Variants in CSMD1 observed in about 807,000 individuals in gnomAD.
CSMD1 encodes CUB and Sushi multiple domains 1.
CSMD1 carries 213 observed loss-of-function variants against 417.5 expected under a neutral mutation model. That is an observed-to-expected ratio of 0.51 (90% confidence interval 0.46 to 0.57). The LOEUF (loss-of-function observed/expected upper bound fraction) is 0.57. CSMD1 is among the 20% of genes least tolerant of loss of function. The pLI is 0.00. For synonymous variants in CSMD1, 2,862 were observed against 1,736.8 expected (o/e 1.65, Z -16.11); for missense variants, 6,923 against 4,529.7 (o/e 1.53, Z -15.17).
intron 10 of CSMD1, among the ~76,000 whole-genome samples, chr8:3,537,410 A>G (rs1271633145): frequency 6.6e-6 from 1 of 152,176 alleles, no homozygotes; most frequent in African/African-American, 2.4e-5. Flanking sequence ...ACAGACACAA[A>G]TACTACACCT....
intron 2 of CSMD1, among the ~76,000 whole-genome samples, chr8:4,423,082 G>GAT (rs1364711332): frequency 6.6e-6 from 1 of 151,982 alleles, no homozygotes; most frequent in Non-Finnish European, 1.5e-5. Flanking sequence ...AAAGCCTAAA[G>GAT]ATAACATTTT....
chr8:3,790,443 G>C (rs910864937), intron 5 of CSMD1, among the ~76,000 whole-genome samples: 1 of 152,152 alleles, frequency 6.6e-6, no homozygotes, highest in African/African-American at 2.4e-5. Flanking sequence ...TGATGGTGAT[G>C]ATGACACGGT....
At chr8:3,303,319 C>G (rs546804249) in intron 25 of CSMD1, among the ~76,000 whole-genome samples, 3 of 152,226 alleles carry the variant, frequency 2.0e-5, no homozygotes, top group African/African-American at 7.2e-5. Flanking sequence ...ATTAATATTC[C>G]TAGATCTCCA....
chr8:3,844,780 A>G (rs1298723506), intron 5 of CSMD1, among the ~76,000 whole-genome samples: 1 of 152,070 alleles, frequency 6.6e-6, no homozygotes, highest in Non-Finnish European at 1.5e-5. Flanking sequence ...AGCGAAACAT[A>G]CTCTGCCACT....
At chr8:4,959,113 T>C (rs959553225) in intron 1 of CSMD1, among the ~76,000 whole-genome samples, 2 of 152,194 alleles carry the variant, frequency 1.3e-5, no homozygotes, top group African/African-American at 4.8e-5. Context: ...AGTTTTAATA[T>C]AGATTTTTAA....
chr8:3,542,012 G>C (rs561866320), intron 10 of CSMD1, among the ~76,000 whole-genome samples: 1 of 151,426 alleles, frequency 6.6e-6, no homozygotes, highest in African/African-American at 2.4e-5. Context: ...ACTCCATTTC[G>C]AAAAAAAGGA....
At chr8:3,923,842 T>C (rs373573366) in intron 5 of CSMD1, among the ~76,000 whole-genome samples, 57 of 152,344 alleles carry the variant, frequency 3.7e-4, no homozygotes, top group African/African-American at 1.2e-3. Flanking sequence ...TTACATTCCA[T>C]AGATAAGTGA....
At chr8:3,322,734 C>A (rs1307485859) in intron 23 of CSMD1, among the ~76,000 whole-genome samples, 1 of 152,164 alleles carries the variant, frequency 6.6e-6, no homozygotes, top group African/African-American at 2.4e-5. Flanking sequence ...GGTTGCCCAT[C>A]CAGGGCATAT....
chr8:3,656,666 G>A (rs931334905), intron 7 of CSMD1, among the ~76,000 whole-genome samples: 4 of 152,100 alleles, frequency 2.6e-5, no homozygotes, highest in South Asian at 2.1e-4. Flanking sequence ...GGTGGCTCAC[G>A]CCTGTAATCC....
At chr8:3,065,575 T>A (rs1406497196) in intron 49 of CSMD1, among the ~76,000 whole-genome samples, 2 of 151,794 alleles carry the variant, frequency 1.3e-5, no homozygotes, top group Non-Finnish European at 2.9e-5. Context: ...AGATGATAGA[T>A]ACATAGATAC....
intron 3 of CSMD1, among the ~76,000 whole-genome samples, chr8:4,378,322 T>C (rs1404707196): frequency 6.6e-6 from 1 of 152,240 alleles, no homozygotes; most frequent in Non-Finnish European, 1.5e-5. Flanking sequence ...TAAATTGCTG[T>C]TTTTGAACTT....
chr8:3,955,939 G>T (rs184163175), intron 5 of CSMD1, among the ~76,000 whole-genome samples: 332 of 152,230 alleles, frequency 2.2e-3, no homozygotes, highest in African/African-American at 7.7e-3. Flanking sequence ...GATTACAGGC[G>T]CCCAACACCA....
At chr8:3,559,342 G>C (rs1285987853) in intron 10 of CSMD1, among the ~76,000 whole-genome samples, 2 of 152,200 alleles carry the variant, frequency 1.3e-5, no homozygotes, top group African/African-American at 2.4e-5. Flanking sequence ...GGCATGGTCT[G>C]AACAGAGGTT....
intron 49 of CSMD1, among the ~76,000 whole-genome samples, chr8:3,065,363 T>C (rs115309524): frequency 0.017 from 2,548 of 151,846 alleles, 84 homozygotes; most frequent in African/African-American, 0.058. Flanking sequence ...GATAAGTGGA[T>C]AGATAAATAG....
intron 10 of CSMD1, among the ~76,000 whole-genome samples, chr8:3,565,700 A>T (rs544560773): frequency 6.6e-6 from 1 of 152,362 alleles, no homozygotes; most frequent in East Asian, 1.9e-4. Flanking sequence ...TCTTGCAAGC[A>T]TTAAGTTTAA....
At chr8:2,995,910 T>A (rs1806851059) in intron 54 of CSMD1, among the ~76,000 whole-genome samples, 1 of 152,164 alleles carries the variant, frequency 6.6e-6, no homozygotes, top group South Asian at 2.1e-4. Context: ...GAGGTTGGGA[T>A]GCGTGGGTGT....
intron 1 of CSMD1, among the ~76,000 whole-genome samples, chr8:4,788,989 G>A (rs73179641): frequency 0.1 from 15,350 of 152,138 alleles, 977 homozygotes; most frequent in Middle Eastern, 0.14. Flanking sequence ...TTAAATTCAT[G>A]GTTAGGACTC....
At chr8:3,613,985 G>A (rs1057074818) in intron 8 of CSMD1, among the ~76,000 whole-genome samples, 1 of 151,766 alleles carries the variant, frequency 6.6e-6, no homozygotes, top group Non-Finnish European at 1.5e-5. Flanking sequence ...CCTTTTATTT[G>A]TAGATAACAA....
At chr8:4,104,493 T>G (rs543298245) in intron 3 of CSMD1, among the ~76,000 whole-genome samples, 2 of 152,332 alleles carry the variant, frequency 1.3e-5, no homozygotes, top group Admixed American at 1.3e-4. Flanking sequence ...TTGAATTTTC[T>G]TGCTTTCACG....
Sources: allele counts gnomAD v4.1 joint callset (sites outside exome capture counted in the v4.1 genomes callset), GRCh38; gene constraint gnomAD v4.1.1; transcripts MANE v1.5; gene names NCBI Gene and HGNC (gene_info 2026-07-23, HGNC 2026-07-21).